Variants in RAD9B observed in about 807,000 individuals in gnomAD.
RAD9B encodes cell cycle checkpoint control protein RAD9B.
A neutral mutation model predicts 48.3 loss-of-function variants in RAD9B; 41 were observed. The ratio of observed to expected loss-of-function variants is 0.85; its 90% CI spans 0.66 to 1.10. RAD9B has a LOEUF of 1.10. Ranked by LOEUF, RAD9B falls within the 50% of genes least tolerant of loss-of-function variation. RAD9B has a pLI of 0.00. For synonymous variants in RAD9B, 160 were observed against 157.9 expected (o/e 1.01, Z -0.10); for missense variants, 444 against 485.1 (o/e 0.92, Z 0.80).
At chr12:110,529,847 G>T (rs73191839) in intron 10 of RAD9B, among the ~76,000 whole-genome samples, 17,020 of 152,202 alleles carry the variant, frequency 0.11, 1,153 homozygotes, top group African/African-American at 0.19. Flanking sequence ...CTTTAACTTG[G>T]AAGAGTGGCT....
chr12:110,531,113 T>G lies in RAD9B; in HGVS notation c.*460T>G. The G allele has an allele frequency of 1.0e-6, 1 of 993,980 alleles. No homozygotes were observed. The highest frequency in any genetic ancestry group is 4.5e-5 in the South Asian group (1 of 22,258). The allele number at this position is 993,980 out of a possible 1,614,324, so 61.6% of individuals were successfully genotyped here. A position where few individuals can be genotyped will look rare whatever the true frequency, so the allele number is the denominator to read the frequency against. Reference sequence around the variant, plus strand: ...TTTCTCATGTAATACCATGGCCTTTTTTGTGCATTGTTTTTTATATTTTAA... The same window carrying G: ...TTTCTCATGTAATACCATGGCCTTTGTTGTGCATTGTTTTTTATATTTTAA... On this transcript the variant is annotated 3_prime_UTR_variant, in exon 11 of 11. Coordinates refer to ENST00000409300, the MANE Select transcript of RAD9B (RefSeq NM_001286535.2).
At chr12:110,526,218 G>GT (rs2063931797) in intron 10 of RAD9B, among the ~76,000 whole-genome samples, 1 of 150,650 alleles carries the variant, frequency 6.6e-6, no homozygotes, top group Non-Finnish European at 1.5e-5. Flanking sequence ...ATGTATATTA[G>GT]TAAAAAAAAA....
At chr12:110,505,916 G>A (rs1301339907) in intron 3 of RAD9B, 144 bp downstream of exon 3, 9 of 681,116 alleles carry the variant, frequency 1.3e-5, no homozygotes, top group African/African-American at 5.6e-5. Context: ...ACAGAGTCTC[G>A]CTTTCTTACC....
intron 3 of RAD9B, among the ~76,000 whole-genome samples, 169 bp downstream of exon 3, chr12:110,505,941 G>C (rs577927899): frequency 3.9e-5 from 6 of 152,270 alleles, no homozygotes; most frequent in Admixed American, 3.9e-4. Context: ...CTGGAGTGCA[G>C]TGGTGCAATC....
chr12:110,503,456 C>CA (rs2135634913), intron 1 of RAD9B: 1 of 205,688 alleles, frequency 4.9e-6, no homozygotes, highest in Admixed American at 5.4e-5. Context: ...TCTCCATGCA[C>CA]TGTTTTCACA....
chr12:110,519,886 A>C lies in RAD9B; in HGVS notation c.860A>C (p.Gln287Pro), dbSNP rs1047057593. The C allele has an allele frequency of 2.5e-6, 4 of 1,612,556 alleles. No individual in the cohort carries two copies. In the Admixed American group the frequency reaches 6.7e-5, roughly 27 times the overall value. ...GAACAAAGTAGAGCATCTTCACCAC[A>C]GTCACTGTGTCTTTCACAGAAACGA... ...ADEQSRASSPQSLCLSQKRKR... is the reference protein window; with the variant it reads ...ADEQSRASSPPSLCLSQKRKR... Residue 287 changes from glutamine (Q) to proline (P), a missense_variant, in exon 9 of 11, where the codon CAG becomes CCG. Coordinates refer to ENST00000409300, the MANE Select transcript of RAD9B (RefSeq NM_001286535.2).
chr12:110,529,113 A>G (rs1387687356), intron 10 of RAD9B, among the ~76,000 whole-genome samples: 2 of 151,910 alleles, frequency 1.3e-5, no homozygotes, highest in Non-Finnish European at 2.9e-5. Flanking sequence ...GAGATAAAGC[A>G]GTAACTGAAG....
In RAD9B at chr12:110,502,342, C is replaced by T. The variant is rs766496726; in HGVS notation, c.5C>T (p.Ala2Val). 5.1e-5 allele frequency: 83 copies of T among 1,613,336 alleles called. No individual in the cohort carries two copies. Among genetic ancestry groups the T allele is most frequent in the Non-Finnish European group, 6.3e-5 (74 of 1,179,732 alleles). Residue 2 changes from alanine to valine, a missense_variant, in exon 1 of 11, where the codon GCA (alanine) becomes GTA (valine). Physicochemically the swap from Ala to Val is moderately conservative, Grantham distance 64 (BLOSUM62 0). Transcript: ENST00000409300. M[A>V]AMLKCVMSGS... ...CGAGCCTGCTTTTTAGGGCGGATGG[C>T]AGCCATGCTGAAGTGCGTGATGAGC...
At chr12:110,527,192 T>C (rs1337471978) in intron 10 of RAD9B, among the ~76,000 whole-genome samples, 1 of 152,174 alleles carries the variant, frequency 6.6e-6, no homozygotes, top group Non-Finnish European at 1.5e-5. Context: ...TTTGTAGTTC[T>C]TTTCCAGCTT....
intron 6 of RAD9B, among the ~76,000 whole-genome samples, chr12:110,517,751 GAC>G (rs34935245): frequency 0.066 from 9,334 of 141,408 alleles, 316 homozygotes; most frequent in African/African-American, 0.099. Flanking sequence ...ACAAAACATT[GAC>G]ACACACACAC....
intron 4 of RAD9B, 99 bp downstream of exon 4, chr12:110,506,792 T>C: frequency 1.5e-6 from 1 of 669,736 alleles, no homozygotes; most frequent in East Asian, 2.7e-5. Flanking sequence ...CTCGTTACAT[T>C]ATTGCTTAGA....
chr12:110,518,035 C>T (rs2063661965), intron 6 of RAD9B, among the ~76,000 whole-genome samples: 1 of 151,674 alleles, frequency 6.6e-6, no homozygotes, highest in Admixed American at 6.6e-5. Context: ...AAAAGAAATA[C>T]AAAAAATTAG....
At chr12:110,525,125 A>G (rs2063896983) in intron 10 of RAD9B, among the ~76,000 whole-genome samples, 1 of 152,024 alleles carries the variant, frequency 6.6e-6, no homozygotes, top group South Asian at 2.1e-4. Flanking sequence ...AGCTGGGAAT[A>G]CAGGTGCCTA....
chr12:110,527,646 A>C (rs982334945), intron 10 of RAD9B, among the ~76,000 whole-genome samples: 7 of 152,244 alleles, frequency 4.6e-5, no homozygotes, highest in Admixed American at 1.3e-4. Flanking sequence ...TGAACAAAAT[A>C]AACAAGCTTC....
intron 1 of RAD9B, 144 bp from the exon 2 acceptor site, chr12:110,503,662 G>A: frequency 3.1e-6 from 2 of 654,620 alleles, no homozygotes; most frequent in South Asian, 1.8e-5. Context: ...GTATTATACT[G>A]TATTAAAGTA....
chr12:110,525,124 T>A (rs567013272), intron 10 of RAD9B, among the ~76,000 whole-genome samples: 11 of 152,212 alleles, frequency 7.2e-5, no homozygotes, highest in African/African-American at 2.6e-4. Context: ...TAGCTGGGAA[T>A]ACAGGTGCCT....
At position 110,530,722 on chromosome 12, in the gene RAD9B, C is replaced by A. The variant is rs2064115106; in HGVS notation, c.*69C>A. ...CATTTGCCCCTCAAGCACGAGTTTG[C>A]ATGTTTAGTGTCTAAAAGAGGTTGT... On this transcript the variant is annotated 3_prime_UTR_variant, in exon 11 of 11. Transcript: ENST00000409300. 1 of 1,600,692 alleles carries A rather than the reference C, an allele frequency of 6.2e-7. No homozygotes were observed. The highest frequency in any genetic ancestry group is 1.1e-5 in the South Asian group (1 of 89,584).
chr12:110,526,219 TAA>T (rs112370464), intron 10 of RAD9B, among the ~76,000 whole-genome samples: 2 of 146,580 alleles, frequency 1.4e-5, no homozygotes, highest in Non-Finnish European at 3.0e-5. Flanking sequence ...TGTATATTAG[TAA>T]AAAAAAAAAG....
intron 10 of RAD9B, among the ~76,000 whole-genome samples, chr12:110,526,023 G>A (rs1283958772): frequency 6.6e-6 from 1 of 152,116 alleles, no homozygotes; most frequent in Non-Finnish European, 1.5e-5. Flanking sequence ...TTTTGGTAGA[G>A]CCAGGGTTTC....
Sources: allele counts gnomAD v4.1 joint callset (sites outside exome capture counted in the v4.1 genomes callset), GRCh38; gene constraint gnomAD v4.1.1; transcripts MANE v1.5; gene names NCBI Gene and HGNC (gene_info 2026-07-23, HGNC 2026-07-21).